Variants in CRTC1 observed in about 807,000 individuals in gnomAD.
The protein encoded by CRTC1 is CREB regulated transcription coactivator 1, also known as CREB-regulated transcription coactivator 1.
Under a neutral mutation model 66.1 loss-of-function variants are expected in CRTC1, and 18 were observed. The observed-to-expected ratio is 0.27, with a 90% confidence interval of 0.19 to 0.40. The LOEUF (loss-of-function observed/expected upper bound fraction) is 0.40, where lower values mean the gene tolerates loss of function less well. Among genes scored for constraint, CRTC1 ranks in the 10% least tolerant of loss-of-function variants. The pLI is 1.00. For synonymous variants in CRTC1, 416 were observed against 398.8 expected (o/e 1.04, Z -0.51); for missense variants, 669 against 887.9 (o/e 0.75, Z 3.13).
chr19:18,710,825 C>T (rs1396475564), intron 1 of CRTC1, among the ~76,000 whole-genome samples: 1 of 152,120 alleles, frequency 6.6e-6, no homozygotes. Flanking sequence ...CCATGTTGCC[C>T]AGGCTGGTCT....
At chr19:18,767,454 T>A (rs1273267715) in intron 9 of CRTC1, among the ~76,000 whole-genome samples, 2 of 152,184 alleles carry the variant, frequency 1.3e-5, no homozygotes, top group African/African-American at 4.8e-5. Context: ...CTGTCTCAGC[T>A]TTCCGAAGTG....
At chr19:18,687,281 C>T (rs1407359799) in intron 1 of CRTC1, among the ~76,000 whole-genome samples, 1 of 152,128 alleles carries the variant, frequency 6.6e-6, no homozygotes, top group African/African-American at 2.4e-5. Context: ...ACCTCGGCCT[C>T]CCAAATTGCT....
At chr19:18,728,233 GAGA>G (rs1234576010) in intron 1 of CRTC1, among the ~76,000 whole-genome samples, 7 of 152,174 alleles carry the variant, frequency 4.6e-5, no homozygotes, top group African/African-American at 1.7e-4. Flanking sequence ...CAGAGGTTGG[GAGA>G]ATGTCCCGTC....
intron 5 of CRTC1, among the ~76,000 whole-genome samples, chr19:18,752,571 G>A (rs1016712410): frequency 4.0e-5 from 6 of 151,874 alleles, no homozygotes; most frequent in East Asian, 3.9e-4. Context: ...TGCCTGCCTC[G>A]GCCTCCCAAA....
At chr19:18,685,343 G>GTGAA (rs1320690954) in intron 1 of CRTC1, among the ~76,000 whole-genome samples, 2 of 151,874 alleles carry the variant, frequency 1.3e-5, no homozygotes, top group East Asian at 1.9e-4. Context: ...GAGATGGCTG[G>GTGAA]TGAATGAATG....
chr19:18,758,107 A>G (rs2054530855), intron 6 of CRTC1, among the ~76,000 whole-genome samples: 1 of 152,040 alleles, frequency 6.6e-6, no homozygotes, highest in Middle Eastern at 3.4e-3. Context: ...TCATGCCTGT[A>G]ATCCCAGCAC....
Position 18,746,033 on chromosome 19 carries a change from G to A in CRTC1, c.381+73G>A. ...GCCGGCAGGACCCCAAGTTTACCCA[G>A]CAGGTTCTGACAGGGCTGCCTGCTT... On this transcript the variant is annotated intron_variant, in intron 3 of 13. Transcript: ENST00000321949. 2.6e-6 allele frequency: 4 copies of A among 1,533,186 alleles called. No homozygotes were observed. In the South Asian group the frequency reaches 5.1e-5, roughly 19 times the overall value. The allele number at this position is 1,533,186 out of a possible 1,614,324, so 95.0% of individuals were successfully genotyped here.
chr19:18,755,168 T>G (rs1282790896), intron 6 of CRTC1, among the ~76,000 whole-genome samples: 3 of 152,014 alleles, frequency 2.0e-5, no homozygotes, highest in Admixed American at 6.6e-5. Flanking sequence ...TTTGTATTTT[T>G]GGTAGAAACA....
At chr19:18,728,208 C>T (rs893333808) in intron 1 of CRTC1, among the ~76,000 whole-genome samples, 4 of 152,168 alleles carry the variant, frequency 2.6e-5, no homozygotes. Context: ...TCCTGGCCCT[C>T]CCGGTGAGGT....
At chr19:18,746,738 C>T (rs943576247) in intron 3 of CRTC1, among the ~76,000 whole-genome samples, 2 of 152,170 alleles carry the variant, frequency 1.3e-5, no homozygotes, top group African/African-American at 2.4e-5. Context: ...GACTCCACAG[C>T]GTCCCCACAG....
chr19:18,740,729 C>A (rs180937558), intron 1 of CRTC1, among the ~76,000 whole-genome samples: 9 of 152,152 alleles, frequency 5.9e-5, no homozygotes, highest in Non-Finnish European at 1.3e-4. Flanking sequence ...AGAGGCCAGG[C>A]GCGGTGACTC....
At chr19:18,759,318 C>A (rs562576413) in intron 6 of CRTC1, among the ~76,000 whole-genome samples, 1 of 152,352 alleles carries the variant, frequency 6.6e-6, no homozygotes, top group East Asian at 1.9e-4. Flanking sequence ...TAGGGAGACC[C>A]TCTCTGTGCA....
At position 18,756,287 on chromosome 19, in the gene CRTC1, T is replaced by C. The variant is rs2054483885; in HGVS notation, c.624+2702T>C. 2.2e-5 allele frequency among the ~76,000 whole-genome samples: 3 copies of C among 134,916 alleles called. No homozygotes were observed. The South Asian group carries it at 7.6e-4, about 34-fold the overall frequency. 88.5% of individuals were successfully genotyped at this position (134,916 alleles called of 152,430 possible). ...GGCAGAGGTTGCAGTGAGCTGAGAC[T>C]GCGCCACTGCACTCCAGCCTGGGCA... is the stretch of plus-strand genomic sequence containing the variant. On this transcript the variant is annotated intron_variant, in intron 6 of 13. Coordinates refer to ENST00000321949, the MANE Select transcript of CRTC1 (RefSeq NM_015321.3).
chr19:18,739,963 C>T (rs1185515201), intron 1 of CRTC1, among the ~76,000 whole-genome samples: 1 of 152,074 alleles, frequency 6.6e-6, no homozygotes, highest in African/African-American at 2.4e-5. Flanking sequence ...TTAAAATTAC[C>T]CAAGGGAGGC....
chr19:18,702,686 C>T (rs752106939), intron 1 of CRTC1, among the ~76,000 whole-genome samples: 5 of 151,868 alleles, frequency 3.3e-5, no homozygotes, highest in African/African-American at 4.8e-5. Flanking sequence ...AGGTATGCGC[C>T]ACCACACCCG....
chr19:18,713,026 C>A (rs1219636704), intron 1 of CRTC1, among the ~76,000 whole-genome samples: 1 of 151,942 alleles, frequency 6.6e-6, no homozygotes, highest in East Asian at 1.9e-4. Flanking sequence ...TCCCCAGCCC[C>A]TGGCAGCCAG....
chr19:18,770,932 G>T (rs1232539568), intron 10 of CRTC1, among the ~76,000 whole-genome samples: 2 of 151,248 alleles, frequency 1.3e-5, no homozygotes, highest in Non-Finnish European at 3.0e-5. Context: ...GTGGATGTGT[G>T]CCTGTGTGTG....
intron 6 of CRTC1, among the ~76,000 whole-genome samples, chr19:18,755,659 G>A (rs986456381): frequency 2.1e-5 from 3 of 146,248 alleles, no homozygotes; most frequent in Non-Finnish European, 3.0e-5. Flanking sequence ...CTGGAGTGCA[G>A]TGGCGCAATC....
At position 18,780,227 on chromosome 19, in the gene CRTC1, C is replaced by T. The variant is rs2055077185; in HGVS notation, c.*2845C>T. On this transcript the variant is annotated 3_prime_UTR_variant, in exon 14 of 14. Transcript: ENST00000321949. ...CTACACTGGGTTAGAGGCTGCTCTC[C>T]CCACGCACCCATGTGCTCATGGCTT... 1 of 231,752 alleles carries T rather than the reference C, an allele frequency of 4.3e-6. No homozygotes were observed. The highest frequency in any genetic ancestry group is 8.5e-6 in the Non-Finnish European group (1 of 117,098). The allele number at this position is 231,752 out of a possible 1,614,324, so 14.4% of individuals were successfully genotyped here.
Sources: allele counts gnomAD v4.1 joint callset (sites outside exome capture counted in the v4.1 genomes callset), GRCh38; gene constraint gnomAD v4.1.1; transcripts MANE v1.5; gene names NCBI Gene and HGNC (gene_info 2026-07-23, HGNC 2026-07-21).